Variants in TSHZ2 observed in about 807,000 individuals in gnomAD.
TSHZ2 encodes the protein teashirt zinc finger homeobox 2.
Under a neutral mutation model 74.4 loss-of-function variants are expected in TSHZ2, and 21 were observed. That is an observed-to-expected ratio of 0.28 (90% CI 0.20 to 0.41). The LOEUF is 0.41. Ranked by LOEUF, TSHZ2 falls within the 10% of genes least tolerant of loss-of-function variation. The probability of loss-of-function intolerance (pLI) is 1.00; values close to 1 mark genes in which losing one functional copy is unlikely to be tolerated. For synonymous variants in TSHZ2, 540 were observed against 515.3 expected (o/e 1.05, Z -0.65); for missense variants, 1,244 against 1,293.5 (o/e 0.96, Z 0.59).
rs118092478 is a variant in TSHZ2, at chr20:53,053,665, C to T, written c.40+80332C>T. Among the ~76,000 whole-genome samples the T allele has an allele frequency of 4.3e-3, 659 of 151,934 alleles. 28 individuals carry two copies. The East Asian group carries it at 0.1, about 23-fold the overall frequency. On this transcript the variant is annotated intron_variant, in intron 1 of 2. Coordinates refer to ENST00000371497, the MANE Select transcript of TSHZ2 (RefSeq NM_173485.6). ...GGAAATCAATAGGAGGGATAACAAC[C>T]GATTATACTATGAGAAAGAAAATTT...
chr20:53,369,335 G>T (rs1274103482), intron 2 of TSHZ2, among the ~76,000 whole-genome samples: 4 of 152,152 alleles, frequency 2.6e-5, no homozygotes, highest in Non-Finnish European at 4.4e-5. Context: ...TTAGCAGAGG[G>T]TTGCATGAAT....
chr20:53,414,308 A>T (rs1189364961), intron 2 of TSHZ2, among the ~76,000 whole-genome samples: 1 of 152,036 alleles, frequency 6.6e-6, no homozygotes, highest in Non-Finnish European at 1.5e-5. Flanking sequence ...TTCCCAGGAA[A>T]ACTTTTATTT....
chr20:53,122,973 G>A (rs1323199731), intron 1 of TSHZ2, among the ~76,000 whole-genome samples: 1 of 152,056 alleles, frequency 6.6e-6, no homozygotes, highest in Non-Finnish European at 1.5e-5. Flanking sequence ...GGAGGTACTG[G>A]GTATTTCCGC....
At position 52,985,215 on chromosome 20, in the gene TSHZ2, G is replaced by A. The variant is rs565115979; in HGVS notation, c.40+11882G>A. 2.0e-5 allele frequency among the ~76,000 whole-genome samples: 3 copies of A among 152,166 alleles called. No homozygotes were observed. The East Asian group carries it at 5.8e-4, about 29-fold the overall frequency. Reference sequence around the variant, plus strand: ...GGCATGGGTTCAATTTCTCTCCAACGATTATTTCATCTCGGTGCGACCTCA... The same window carrying A: ...GGCATGGGTTCAATTTCTCTCCAACAATTATTTCATCTCGGTGCGACCTCA... On this transcript the variant is annotated intron_variant, in intron 1 of 2. Coordinates refer to ENST00000371497, the MANE Select transcript of TSHZ2 (RefSeq NM_173485.6).
intron 2 of TSHZ2, among the ~76,000 whole-genome samples, chr20:53,485,631 C>G (rs1986270854): frequency 6.6e-6 from 1 of 151,992 alleles, no homozygotes; most frequent in South Asian, 2.1e-4. Flanking sequence ...ATTACTTGAA[C>G]CCAAGAGGCG....
At chr20:53,128,302 G>A (rs1987003746) in intron 1 of TSHZ2, among the ~76,000 whole-genome samples, 1 of 152,194 alleles carries the variant, frequency 6.6e-6, no homozygotes, top group South Asian at 2.1e-4. Flanking sequence ...TAGAAAAATA[G>A]AGTAATTTTA....
Position 53,214,773 on chromosome 20 carries a change from G to A in TSHZ2, c.41-38726G>A, listed in dbSNP as rs181093017. ...GAGAAAGGAATGAAGCAGAAGGAAG[G>A]GAGGGTGTGTAGAGTGTCCAGTGCC... On this transcript the variant is annotated intron_variant, in intron 1 of 2. Transcript: ENST00000371497. Among the ~76,000 whole-genome samples, 343 of 152,210 alleles carry A rather than the reference G, an allele frequency of 2.3e-3. 2 individuals are homozygous for A. The highest frequency in any genetic ancestry group is 7.7e-3 in the African/African-American group (318 of 41,542).
intron 1 of TSHZ2, among the ~76,000 whole-genome samples, chr20:53,017,701 G>T (rs768998240): frequency 3.3e-5 from 5 of 152,172 alleles, no homozygotes; most frequent in Non-Finnish European, 5.9e-5. Flanking sequence ...AAGATTGTCT[G>T]TGGGCTAGAG....
intron 1 of TSHZ2, among the ~76,000 whole-genome samples, chr20:53,063,512 C>T (rs1284364670): frequency 1.3e-5 from 2 of 152,138 alleles, no homozygotes; most frequent in Non-Finnish European, 2.9e-5. Flanking sequence ...AATAAACTTA[C>T]TACTTTCACA....
At chr20:53,333,677 C>T (rs1005911245) in intron 2 of TSHZ2, among the ~76,000 whole-genome samples, 4 of 152,176 alleles carry the variant, frequency 2.6e-5, no homozygotes. Flanking sequence ...AGGATGGTCT[C>T]GATCTCCTGA....
intron 1 of TSHZ2, among the ~76,000 whole-genome samples, chr20:53,009,718 C>T (rs1012109423): frequency 6.6e-6 from 1 of 152,186 alleles, no homozygotes; most frequent in Non-Finnish European, 1.5e-5. Context: ...CAAAAAGCTT[C>T]TGCCCAAACT....
intron 1 of TSHZ2, among the ~76,000 whole-genome samples, chr20:53,057,019 T>G (rs1984663786): frequency 6.6e-6 from 1 of 151,976 alleles, no homozygotes; most frequent in South Asian, 2.1e-4. Flanking sequence ...TTGGGGCAGG[T>G]TTTTCCTGTA....
chr20:52,996,680 C>A (rs1215963374), intron 1 of TSHZ2, among the ~76,000 whole-genome samples: 1 of 152,136 alleles, frequency 6.6e-6, no homozygotes, highest in African/African-American at 2.4e-5. Context: ...TTTAGAGAAG[C>A]CTTTTCTCTT....
At chr20:53,077,137 G>A (rs915277664) in intron 1 of TSHZ2, among the ~76,000 whole-genome samples, 11 of 152,168 alleles carry the variant, frequency 7.2e-5, no homozygotes, top group Non-Finnish European at 2.9e-5. Context: ...TGGAGGCCAG[G>A]CACGATGGCC....
At chr20:53,315,400 C>T (rs6022385) in intron 2 of TSHZ2, among the ~76,000 whole-genome samples, 60 of 152,292 alleles carry the variant, frequency 3.9e-4, no homozygotes, top group African/African-American at 1.2e-3. Flanking sequence ...AAACTTTCCA[C>T]GTTTTGATCC....
intron 2 of TSHZ2, among the ~76,000 whole-genome samples, chr20:53,336,773 G>A (rs573555557): frequency 2.6e-5 from 4 of 152,118 alleles, no homozygotes; most frequent in African/African-American, 9.6e-5. Context: ...ATATCTTCTC[G>A]CTTTCTCTCT....
chr20:53,013,100 G>A (rs1392203267), intron 1 of TSHZ2, among the ~76,000 whole-genome samples: 1 of 152,130 alleles, frequency 6.6e-6, no homozygotes, highest in Non-Finnish European at 1.5e-5. Flanking sequence ...AGTGTGATTG[G>A]AGTTTTAGTA....
At chr20:53,197,815 T>C (rs1988908758) in intron 1 of TSHZ2, among the ~76,000 whole-genome samples, 1 of 152,146 alleles carries the variant, frequency 6.6e-6, no homozygotes, top group African/African-American at 2.4e-5. Flanking sequence ...TTTGAGCTTA[T>C]ATGGTTTTTT....
Position 53,074,553 on chromosome 20 carries a change from A to C in TSHZ2, c.40+101220A>C, listed in dbSNP as rs1372676872. Among the ~76,000 whole-genome samples, 1 of 152,224 alleles carries C rather than the reference A, an allele frequency of 6.6e-6. No individual in the cohort carries two copies. Among genetic ancestry groups the C allele is most frequent in the Non-Finnish European group, 1.5e-5 (1 of 68,036 alleles). ...GGAAAGTTCAAGTATACACAGACTA[A>C]ACAGCTGGACAAAACTTGCAAAACA... On this transcript the variant is annotated intron_variant, in intron 1 of 2. Coordinates refer to ENST00000371497, the MANE Select transcript of TSHZ2 (RefSeq NM_173485.6). The surrounding 1 kb of genome is among the most constrained non-coding windows in gnomAD (Gnocchi z 5.9).
Sources: allele counts gnomAD v4.1 joint callset (sites outside exome capture counted in the v4.1 genomes callset), GRCh38; gene constraint gnomAD v4.1.1; non-coding constraint Gnocchi (gnomAD v3.1); transcripts MANE v1.5; gene names NCBI Gene and HGNC (gene_info 2026-07-23, HGNC 2026-07-21).